The following STPG2 variants were observed in gnomAD, a reference collection of about 807,000 sequenced individuals.
STPG2 encodes sperm-tail PG-rich repeat-containing protein 2.
Under a neutral mutation model 54.2 loss-of-function variants are expected in STPG2, and 56 were observed. That is an observed-to-expected ratio of 1.03 (90% CI 0.83 to 1.29). STPG2 has a LOEUF of 1.29. STPG2 is among the 50% of genes most tolerant of loss of function. The pLI is 0.00. For missense variants in STPG2, 596 were observed against 544.9 expected, an observed-to-expected ratio of 1.09 and a Z score of -0.93; for synonymous variants, 200 against 181.8, an observed-to-expected ratio of 1.10 and a Z score of -0.81.
intron 4 of STPG2, among the ~76,000 whole-genome samples, chr4:97,489,570 A>G (rs980059617): frequency 1.6e-4 from 25 of 151,636 alleles, no homozygotes; most frequent in African/African-American, 5.8e-4. Flanking sequence ...TCCCTCTTAA[A>G]TGAAGGGAGG....
At chr4:97,912,949 A>T (rs1301393418) in intron 8 of STPG2, among the ~76,000 whole-genome samples, 2 of 152,240 alleles carry the variant, frequency 1.3e-5, no homozygotes, top group Non-Finnish European at 2.9e-5. Context: ...TAAAGAGGAA[A>T]GAGATACCTT....
intron 10 of STPG2, among the ~76,000 whole-genome samples, chr4:97,585,439 C>T (rs1268848097): frequency 6.6e-6 from 1 of 151,900 alleles, no homozygotes; most frequent in Non-Finnish European, 1.5e-5. Flanking sequence ...AATCTAACCA[C>T]AACAAGAAGC....
intron 9 of STPG2, among the ~76,000 whole-genome samples, chr4:97,783,653 T>C (rs1418871003): frequency 5.9e-5 from 9 of 152,132 alleles, no homozygotes; most frequent in Admixed American, 2.0e-4. Flanking sequence ...CTATTCACAA[T>C]AGCAAAGACT....
chr4:97,761,567 T>A (rs187340462), intron 9 of STPG2, among the ~76,000 whole-genome samples: 223 of 152,302 alleles, frequency 1.5e-3, no homozygotes, highest in African/African-American at 5.0e-3. Context: ...CCACCCAGCT[T>A]ATGGTACTTA....
At chr4:98,068,015 A>C (rs534282537) in intron 5 of STPG2, among the ~76,000 whole-genome samples, 1 of 152,302 alleles carries the variant, frequency 6.6e-6, no homozygotes, top group East Asian at 1.9e-4. Context: ...CCAGGCGTCC[A>C]AACCTAATCT....
chr4:97,538,361 T>C (rs1578371607), intron 4 of STPG2, among the ~76,000 whole-genome samples: 1 of 152,166 alleles, frequency 6.6e-6, no homozygotes, highest in South Asian at 2.1e-4. Context: ...CTAATGGAGC[T>C]GAAAACCCAT....
intron 10 of STPG2, among the ~76,000 whole-genome samples, chr4:97,607,959 A>G (rs2148912275): frequency 6.6e-6 from 1 of 152,128 alleles, no homozygotes; most frequent in Non-Finnish European, 1.5e-5. Context: ...CCAACTAATT[A>G]TTCAATACAC....
chr4:98,012,849 G>A (rs1474181000), intron 5 of STPG2, among the ~76,000 whole-genome samples: 1 of 152,144 alleles, frequency 6.6e-6, no homozygotes, highest in African/African-American at 2.4e-5. Flanking sequence ...GGAGTTTTGG[G>A]GTTGAGATGA....
intron 8 of STPG2, among the ~76,000 whole-genome samples, chr4:97,873,269 T>C (rs996731126): frequency 2.6e-5 from 4 of 151,134 alleles, no homozygotes; most frequent in Admixed American, 1.3e-4. Context: ...CTTTCTCTAA[T>C]AATAAGAAAC....
At chr4:97,894,965 T>G (rs143431226) in intron 8 of STPG2, among the ~76,000 whole-genome samples, 296 of 152,042 alleles carry the variant, frequency 1.9e-3, no homozygotes, top group African/African-American at 7.0e-3. Context: ...ATTTGATGAT[T>G]TTCAACCACT....
intron 7 of STPG2, among the ~76,000 whole-genome samples, chr4:97,951,963 G>A (rs1733489281): frequency 6.6e-6 from 1 of 152,090 alleles, no homozygotes; most frequent in South Asian, 2.1e-4. Context: ...GTCTTATCAG[G>A]GGAAAGGGTG....
chr4:97,663,940 C>A (rs1722448802), intron 10 of STPG2, among the ~76,000 whole-genome samples: 1 of 152,090 alleles, frequency 6.6e-6, no homozygotes, highest in Admixed American at 6.5e-5. Context: ...ATGCACCCTA[C>A]ATGCAAAATT....
At chr4:97,863,994 C>T (rs1203434443) in intron 8 of STPG2, among the ~76,000 whole-genome samples, 1 of 152,194 alleles carries the variant, frequency 6.6e-6, no homozygotes, top group African/African-American at 2.4e-5. Flanking sequence ...CCATATTATA[C>T]TCCATGGACA....
At chr4:98,071,554 A>T (rs1738003148) in intron 5 of STPG2, among the ~76,000 whole-genome samples, 1 of 152,236 alleles carries the variant, frequency 6.6e-6, no homozygotes, top group African/African-American at 2.4e-5. Flanking sequence ...AAAATCAAAA[A>T]TTGACAAGTG....
At chr4:97,477,994 T>C (rs539820118) in intron 4 of STPG2, among the ~76,000 whole-genome samples, 2 of 152,224 alleles carry the variant, frequency 1.3e-5, no homozygotes, top group South Asian at 4.1e-4. Context: ...GAATAGGAAG[T>C]CTAATTAAAG....
Position 97,794,817 on chromosome 4 carries a change from G to C in STPG2, c.1204+45956C>G, listed in dbSNP as rs183333850. Among the ~76,000 whole-genome samples, 4 of 152,042 alleles carry C rather than the reference G, an allele frequency of 2.6e-5. No homozygotes were observed. In the East Asian group the frequency reaches 7.7e-4, roughly 29 times the overall value. ...AGATTGGCTCTACAAAATTAGACGT[G>C]GCTTGCTTGAAAAGAATATTATATC... On this transcript the variant is annotated intron_variant, in intron 9 of 10. Coordinates refer to ENST00000295268, the MANE Select transcript of STPG2 (RefSeq NM_174952.3).
intron 5 of STPG2, among the ~76,000 whole-genome samples, chr4:97,991,173 G>T (rs1279962044): frequency 6.6e-6 from 1 of 151,736 alleles, no homozygotes; most frequent in Non-Finnish European, 1.5e-5. Context: ...CCATTCCTGG[G>T]TTACTTCACT....
intron 9 of STPG2, among the ~76,000 whole-genome samples, chr4:97,812,954 C>A (rs746608921): frequency 3.3e-4 from 50 of 152,174 alleles, no homozygotes; most frequent in Non-Finnish European, 5.6e-4. Context: ...TTGTCGCTAT[C>A]TTAAATGGCA....
intron 4 of STPG2, among the ~76,000 whole-genome samples, chr4:97,530,360 G>C (rs1731387267): frequency 6.6e-6 from 1 of 152,182 alleles, no homozygotes; most frequent in Admixed American, 6.6e-5. Flanking sequence ...GCTGTACTGT[G>C]TAAATAACTG....
Sources: allele counts gnomAD v4.1 joint callset (sites outside exome capture counted in the v4.1 genomes callset), GRCh38; gene constraint gnomAD v4.1.1; transcripts MANE v1.5; gene names NCBI Gene and HGNC (gene_info 2026-07-23, HGNC 2026-07-21).